The following SOX6 variants were observed in gnomAD, a reference collection of about 807,000 sequenced individuals.
The protein encoded by SOX6 is SRY-box transcription factor 6.
Under a neutral mutation model 97.8 loss-of-function variants are expected in SOX6, and 11 were observed. The observed-to-expected ratio is 0.11, with a 90% confidence interval of 0.07 to 0.19. The LOEUF (loss-of-function observed/expected upper bound fraction) is 0.19, where lower values mean the gene tolerates loss of function less well. SOX6 is among the 10% of genes least tolerant of loss of function. The pLI is 1.00. For missense variants in SOX6, 810 were observed against 1,039.5 expected, an observed-to-expected ratio of 0.78 and a Z score of 3.04; for synonymous variants, 360 against 371.4, an observed-to-expected ratio of 0.97 and a Z score of 0.35.
intron 4 of SOX6, among the ~76,000 whole-genome samples, chr11:16,602,942 AC>A (rs1338886235): frequency 1.3e-5 from 2 of 151,784 alleles, no homozygotes; most frequent in Non-Finnish European, 2.9e-5. Flanking sequence ...AATCGCTTGA[AC>A]CCAGGAGGCG....
At chr11:16,573,866 T>C (rs1051547343) in intron 4 of SOX6, among the ~76,000 whole-genome samples, 1 of 152,192 alleles carries the variant, frequency 6.6e-6, no homozygotes, top group Non-Finnish European at 1.5e-5. Context: ...ATTGTTTGTA[T>C]TGTTCACTTA....
intron 4 of SOX6, among the ~76,000 whole-genome samples, chr11:16,193,893 G>C (rs1851698855): frequency 6.6e-6 from 1 of 152,090 alleles, no homozygotes; most frequent in South Asian, 2.1e-4. Flanking sequence ...AGATAACCTG[G>C]GAAAACTGCT....
intron 6 of SOX6, among the ~76,000 whole-genome samples, chr11:16,140,229 C>A (rs1312433288): frequency 1.3e-5 from 2 of 152,132 alleles, no homozygotes; most frequent in Non-Finnish European, 2.9e-5. Flanking sequence ...GATCTTCAAA[C>A]CCCACTGAGC....
chr11:15,972,575 T>G lies in SOX6; in HGVS notation c.*234A>C. 3.6e-6 allele frequency: 2 copies of G among 550,098 alleles called. No homozygotes were observed. The highest frequency in any genetic ancestry group is 6.5e-5 in the Admixed American group (2 of 30,570). The allele number at this position is 550,098 out of a possible 1,614,324, so 34.1% of individuals were successfully genotyped here. A position where few individuals can be genotyped will look rare whatever the true frequency, so the allele number is the denominator to read the frequency against. On this transcript the variant is annotated 3_prime_UTR_variant, in exon 16 of 16. Coordinates refer to ENST00000683767, the MANE Select transcript of SOX6 (RefSeq NM_001367873.1). ...TCAAGTCCTGGTGTCTCATATTTAA[T>G]ATGTCTTCACCTAAATTAAAAAAAC... is the stretch of plus-strand genomic sequence containing the variant.
intron 4 of SOX6, among the ~76,000 whole-genome samples, chr11:16,564,274 T>C (rs535934154): frequency 1.3e-5 from 2 of 152,294 alleles, no homozygotes; most frequent in East Asian, 1.9e-4. Context: ...CATTGCCTAA[T>C]GTGGTTCTAA....
At chr11:16,439,588 G>T (rs1484061774) in intron 1 of SOX6, among the ~76,000 whole-genome samples, 2 of 152,198 alleles carry the variant, frequency 1.3e-5, no homozygotes, top group Admixed American at 6.5e-5. Context: ...CACAGCTACA[G>T]CACCAAAAAA....
chr11:16,065,045 G>T (rs1848061419), intron 9 of SOX6, among the ~76,000 whole-genome samples: 1 of 151,764 alleles, frequency 6.6e-6, no homozygotes, highest in East Asian at 1.9e-4. Flanking sequence ...AAAAACAAAG[G>T]GTATCCAAAT....
chr11:16,585,729 C>G (rs1219482204), intron 4 of SOX6, among the ~76,000 whole-genome samples: 5 of 131,292 alleles, frequency 3.8e-5, no homozygotes, highest in Admixed American at 2.6e-4. Context: ...GTCACCCAGG[C>G]TGTAGTGCAG....
Position 16,046,499 on chromosome 11 carries a change from A to G in SOX6, c.1623+15T>C, listed in dbSNP as rs935029002. ...TAAGTCTAGCAGATCCAGTGACACA[A>G]GGAAGCAGTTTTACCTTTTCATTCC... On this transcript the variant is annotated intron_variant, in intron 12 of 15. Transcript: ENST00000683767. 1 of 1,612,060 alleles carries G rather than the reference A, an allele frequency of 6.2e-7. No individual in the cohort carries two copies. Among genetic ancestry groups the G allele is most frequent in the Non-Finnish European group, 8.5e-7 (1 of 1,179,128 alleles).
chr11:16,139,000 G>A (rs963349861), intron 6 of SOX6, among the ~76,000 whole-genome samples: 1 of 152,100 alleles, frequency 6.6e-6, no homozygotes, highest in African/African-American at 2.4e-5. Flanking sequence ...TTATTTTGTA[G>A]ACTGTACCTA....
At chr11:16,692,163 T>C (rs939847574) in intron 3 of SOX6, among the ~76,000 whole-genome samples, 1 of 151,830 alleles carries the variant, frequency 6.6e-6, no homozygotes, top group African/African-American at 2.4e-5. Context: ...AACCTCTGTC[T>C]CCAGGTTCAA....
chr11:16,096,013 T>A lies in SOX6; in HGVS notation c.1084A>T (p.Asn362Tyr), dbSNP rs779719591. Residue 362 changes from asparagine to tyrosine, a missense_variant, in exon 9 of 16, where the codon AAC (asparagine) becomes TAC (tyrosine). Around this residue, in one of 9 missense-constraint regions of SOX6, gnomAD observed 244 missense variants for 261.0 expected, o/e 0.93. Coordinates refer to ENST00000683767, the MANE Select transcript of SOX6 (RefSeq NM_001367873.1). ...ATTCATACCTCAATCTGTTTGTGGT[T>A]GTAAGAGTGGCCACCACCATGTTCA... ...TFEHGGGHSYNHKQIEQLYAA... is the reference protein window; with the variant it reads ...TFEHGGGHSYYHKQIEQLYAA... 1.9e-6 allele frequency: 3 copies of A among 1,611,380 alleles called. No individual in the cohort carries two copies. The African/African-American group carries it at 4.0e-5, about 22-fold the overall frequency.
intron 13 of SOX6, among the ~76,000 whole-genome samples, chr11:16,006,131 C>G (rs79922341): frequency 0.041 from 6,205 of 151,966 alleles, 487 homozygotes; most frequent in East Asian, 0.36. Flanking sequence ...CCACCTAACA[C>G]CTGCTAAGCT....
intron 3 of SOX6, among the ~76,000 whole-genome samples, chr11:16,693,758 C>T (rs1048163209): frequency 2.0e-5 from 3 of 152,116 alleles, no homozygotes; most frequent in African/African-American, 7.2e-5. Context: ...TAAACCTCCT[C>T]ATCATTAAGG....
intron 1 of SOX6, among the ~76,000 whole-genome samples, chr11:16,378,706 A>T (rs1206632720): frequency 6.6e-6 from 1 of 152,086 alleles, no homozygotes; most frequent in Non-Finnish European, 1.5e-5. Context: ...GATAGGAAAG[A>T]CATTTCTAAA....
intron 9 of SOX6, 77 bp downstream of exon 9, chr11:16,095,914 TAAAAA>T: frequency 3.0e-5 from 37 of 1,236,020 alleles, no homozygotes; most frequent in South Asian, 5.2e-5. Context: ...TTTGCCACTT[TAAAAA>T]AAAAAAAAAA....
intron 4 of SOX6, among the ~76,000 whole-genome samples, chr11:16,548,449 T>C (rs1847644795): frequency 6.6e-6 from 1 of 152,142 alleles, no homozygotes. Context: ...AAATGATCCC[T>C]GCCCCTTCCA....
Position 16,177,856 on chromosome 11 carries a change from G to C in SOX6, c.777+6030C>G, listed in dbSNP as rs575947230. On this transcript the variant is annotated intron_variant, in intron 6 of 15. Transcript: ENST00000683767. ...CTGCACCTCACTCTGCCTCTGAAGA[G>C]GTAAGGCACTCTTCCACTTTAATTC... Among the ~76,000 whole-genome samples the C allele has an allele frequency of 9.9e-5, 15 of 152,022 alleles. No individual in the cohort carries two copies. In the South Asian group the frequency reaches 2.9e-3, roughly 29 times the overall value.
At chr11:16,270,389 T>C (rs765039353) in intron 3 of SOX6, among the ~76,000 whole-genome samples, 1 of 151,314 alleles carries the variant, frequency 6.6e-6, no homozygotes, top group Non-Finnish European at 1.5e-5. Context: ...CCTCCTACAT[T>C]GCGGGGGAGG....
Sources: allele counts gnomAD v4.1 joint callset (sites outside exome capture counted in the v4.1 genomes callset), GRCh38; gene constraint gnomAD v4.1.1; regional missense constraint gnomAD v4.1.1; transcripts MANE v1.5; gene names NCBI Gene and HGNC (gene_info 2026-07-23, HGNC 2026-07-21).